ICAM5: variants seen among roughly 807,000 people sequenced by gnomAD.
The protein encoded by ICAM5 is ICAM-5.
A neutral mutation model predicts 78.8 loss-of-function variants in ICAM5; 38 were observed. That is an observed-to-expected ratio of 0.48 (90% CI 0.37 to 0.63). ICAM5 has a LOEUF of 0.63. Ranked by LOEUF, ICAM5 falls within the 30% of genes least tolerant of loss-of-function variation. The pLI is 0.00. For synonymous variants in ICAM5, 544 were observed against 590.9 expected (o/e 0.92, Z 1.15); for missense variants, 1,059 against 1,303.0 (o/e 0.81, Z 2.88).
intron 3 of ICAM5, 60 bp downstream of exon 3, chr19:10,291,869 T>C (rs2040176061): frequency 1.3e-6 from 2 of 1,545,542 alleles, no homozygotes; most frequent in Non-Finnish European, 1.8e-6. Context: ...TTAGGAGGTT[T>C]AGAGGTAGAT....
chr19:10,296,576 C>T lies in ICAM5; in HGVS notation c.2735C>T (p.Ala912Val). The T allele has an allele frequency of 1.6e-6, 2 of 1,217,406 alleles. No homozygotes were observed. The highest frequency in any genetic ancestry group is 1.0e-6 in the Non-Finnish European group (1 of 972,084). The allele number at this position is 1,217,406 out of a possible 1,614,324, so 75.4% of individuals were successfully genotyped here. ...GCGGGGGGCGCGGCCGAGTCGCCGG[C>T]GGAGGGCGAGGTCTTCGCCATACAG... ...EAAGGAAESP[A>V]EGEVFAIQLT... Residue 912 changes from alanine to valine, a missense_variant, in exon 11 of 11, where the codon GCG (alanine) becomes GTG (valine). Physicochemically the swap from Ala to Val is moderately conservative, Grantham distance 64 (BLOSUM62 0). Transcript: ENST00000221980.
intron 4 of ICAM5, 52 bp downstream of exon 4, chr19:10,292,374 C>A (rs1455750548): frequency 1.3e-6 from 2 of 1,521,012 alleles, no homozygotes; most frequent in Admixed American, 2.0e-5. Flanking sequence ...CAGAGGAATG[C>A]GAAGGCGGGG....
rs2040164038 is a variant in ICAM5 at position 10,290,715 on chromosome 19, A to G, written c.83-357A>G. On this transcript the variant is annotated intron_variant, in intron 1 of 10. Transcript: ENST00000221980. This position sits in a 1 kb window ranked among gnomAD's most constrained non-coding sequence, Gnocchi z 5.7. ...CCCGGCATTCTGCCAGGACCCTGAGAACTGGTTCATCCCCCATCCCCCATC... is the reference window on the plus strand; with the variant it reads ...CCCGGCATTCTGCCAGGACCCTGAGGACTGGTTCATCCCCCATCCCCCATC... The G allele has an allele frequency of 5.5e-6, 2 of 363,190 alleles. No individual in the cohort carries two copies. The highest frequency in any genetic ancestry group is 9.5e-5 in the East Asian group (2 of 20,990). 22.5% of individuals were successfully genotyped at this position (363,190 alleles called of 1,614,324 possible). A position where few individuals can be genotyped will look rare whatever the true frequency, so the allele number is the denominator to read the frequency against.
chr19:10,296,300 G>A, intron 10 of ICAM5, 39 bp from the exon 11 acceptor site: 1 of 1,228,030 alleles, frequency 8.1e-7, no homozygotes, highest in East Asian at 3.2e-5. Context: ...GAAGCCCCCC[G>A]GAGCTTGGCC....
At position 10,294,194 on chromosome 19, in the gene ICAM5, G is replaced by A; in HGVS notation, c.1866G>A (p.Leu622=). ...GGATEGVLLP[L]APPDPSPRAP... The stretch of plus-strand genomic sequence containing the variant: ...CCACTGAGGGGGTGCTGCTGCCGCT[G>A]GCACCCCCAGACCCTAGTCCCAGAG... The change falls in exon 8 of 11, where the codon CTG becomes CTA. Residue 622 remains leucine (L), a synonymous_variant. Coordinates refer to ENST00000221980, the MANE Select transcript of ICAM5 (RefSeq NM_003259.4). The surrounding 1 kb of genome is among the most constrained non-coding windows in gnomAD (Gnocchi z 7.7). 1 of 1,613,950 alleles carries A rather than the reference G, an allele frequency of 6.2e-7. No individual in the cohort carries two copies. Among genetic ancestry groups the A allele is most frequent in the South Asian group, 1.1e-5 (1 of 91,082 alleles).
chr19:10,292,707 A>T lies in ICAM5; in HGVS notation c.1057A>T (p.Thr353Ser), dbSNP rs1317567797. 3.7e-6 allele frequency: 6 copies of T among 1,612,788 alleles called. No homozygotes were observed. The highest frequency in any genetic ancestry group is 1.7e-6 in the Non-Finnish European group (2 of 1,179,824). ...TCAAGAQALVTLEGVPAAVPG... is the reference protein window; with the variant it reads ...TCAAGAQALVSLEGVPAAVPG... Reference sequence around the variant, plus strand: ...CGCAGCTGGGGCCCAAGCTCTGGTCACACTGGAGGGAGTTCCAGCCGCGGT... The same window carrying T: ...CGCAGCTGGGGCCCAAGCTCTGGTCTCACTGGAGGGAGTTCCAGCCGCGGT... Residue 353 changes from threonine to serine, a missense_variant, in exon 5 of 11, where the codon ACA (threonine) becomes TCA (serine). Thr to Ser is a moderately conservative substitution (Grantham distance 58, BLOSUM62 1). Transcript: ENST00000221980.
rs1327873911 is a variant in ICAM5, at chr19:10,292,853, G to A, written c.1203G>A (p.Glu401=). The A allele has an allele frequency of 1.2e-6, 2 of 1,612,422 alleles. No homozygotes were observed. Among genetic ancestry groups the A allele is most frequent in the Non-Finnish European group, 8.5e-7 (1 of 1,179,598 alleles). ...GETLIKNRSA[E]LRVLYAPRLD... ...CCCTGATCAAGAACAGGAGCGCAGAGCTTCGTGTCCTATGTGAGTTGGTGA... is the reference window on the plus strand; with the variant it reads ...CCCTGATCAAGAACAGGAGCGCAGAACTTCGTGTCCTATGTGAGTTGGTGA... The change falls in exon 5 of 11, where the codon GAG becomes GAA. Residue 401 remains glutamate, a synonymous_variant. Coordinates refer to ENST00000221980, the MANE Select transcript of ICAM5 (RefSeq NM_003259.4).
In ICAM5 at chr19:10,293,636, G is replaced by A; in HGVS notation, c.1466-62G>A. 1.9e-6 allele frequency: 3 copies of A among 1,568,394 alleles called. No homozygotes were observed. Among genetic ancestry groups the A allele is most frequent in the East Asian group, 4.5e-5 (2 of 44,260 alleles). Reference sequence around the variant, plus strand: ...CGTGGAAGCCTTGCCGCGCCAAGGAGGGTCTAGGGACGTCAGATTTGCCCC... The same window carrying A: ...CGTGGAAGCCTTGCCGCGCCAAGGAAGGTCTAGGGACGTCAGATTTGCCCC... On this transcript the variant is annotated intron_variant, in intron 6 of 10. Coordinates refer to ENST00000221980, the MANE Select transcript of ICAM5 (RefSeq NM_003259.4). This position sits in a 1 kb window ranked among gnomAD's most constrained non-coding sequence, Gnocchi z 5.0.
chr19:10,292,210 G>A lies in ICAM5; in HGVS notation c.849G>A (p.Val283=). 6.2e-7 allele frequency: 1 copy of A among 1,613,186 alleles called. No individual in the cohort carries two copies. Among genetic ancestry groups the A allele is most frequent in the Non-Finnish European group, 8.5e-7 (1 of 1,179,996 alleles). Residue 283 remains valine (V), a synonymous_variant, in exon 4 of 11, where the codon GTG becomes GTA. Transcript: ENST00000221980. ...TCACCCTCGAAGGGGACGCATTCGTGGCCACTGCCACAGCCACAGCTAGCG... is the reference window on the plus strand; with the variant it reads ...TCACCCTCGAAGGGGACGCATTCGTAGCCACTGCCACAGCCACAGCTAGCG... ...PDVTLEGDAF[V]ATATATASAE...
In ICAM5 at chr19:10,293,794, C is replaced by T. The variant is rs368250065; in HGVS notation, c.1562C>T (p.Pro521Leu). ...AGCTGTGTGGCGCACGGGGTACCGC[C>T]GCCTGATGTGATCTGCGTGCGCTCT... ...SLSCVAHGVP[P>L]PDVICVRSGE... The change falls in exon 7 of 11, where the codon CCG (proline) becomes CTG (leucine). Residue 521 changes from proline (P) to leucine (L), a missense_variant. Transcript: ENST00000221980. This position sits in a 1 kb window ranked among gnomAD's most constrained non-coding sequence, Gnocchi z 5.0. 130 of 1,613,690 alleles carry T rather than the reference C, an allele frequency of 8.1e-5. 1 individual carries two copies. Among genetic ancestry groups the T allele is most frequent in the Non-Finnish European group, 1.1e-4 (128 of 1,180,030 alleles).
rs760572744 is a variant in ICAM5, at chr19:10,291,096, C to A, written c.107C>A (p.Ala36Glu). 1.9e-6 allele frequency: 3 copies of A among 1,611,196 alleles called. No individual in the cohort carries two copies. The highest frequency in any genetic ancestry group is 2.5e-6 in the Non-Finnish European group (3 of 1,179,246). Residue 36 changes from alanine to glutamate, a missense_variant, in exon 2 of 11, where the codon GCG (alanine) becomes GAG (glutamate). Coordinates refer to ENST00000221980, the MANE Select transcript of ICAM5 (RefSeq NM_003259.4). ...LSAVSQEPFW[A>E]DLQPRVAFVE... ...GCGGTCTCGCAGGAGCCCTTCTGGG[C>A]GGACCTGCAGCCTCGCGTGGCGTTC...
intron 10 of ICAM5, 23 bp from the exon 11 acceptor site, chr19:10,296,316 C>G (rs773271448): frequency 8.1e-7 from 1 of 1,229,304 alleles, no homozygotes; most frequent in Non-Finnish European, 1.0e-6. Context: ...TGGCCACCCT[C>G]CGCGAGGGTC....
chr19:10,294,647 G>C lies in ICAM5; in HGVS notation c.2230+7G>C. ...GTCACTGTGGGCGTGGAATGTGAGT[G>C]GGGGCAGCACCGGATGGAGGGGACA... On this transcript the variant is annotated splice_region_variant and intron_variant, in intron 9 of 10. Transcript: ENST00000221980. This position sits in a 1 kb window ranked among gnomAD's most constrained non-coding sequence, Gnocchi z 7.7. 1 of 1,612,640 alleles carries C rather than the reference G, an allele frequency of 6.2e-7. No homozygotes were observed. Among genetic ancestry groups the C allele is most frequent in the Non-Finnish European group, 8.5e-7 (1 of 1,179,814 alleles).
At position 10,292,689 on chromosome 19, in the gene ICAM5, G is replaced by A. The variant is rs2040184292; in HGVS notation, c.1039G>A (p.Gly347Arg). The change falls in exon 5 of 11, where the codon GGG becomes AGG. Residue 347 changes from glycine to arginine, a missense_variant. Coordinates refer to ENST00000221980, the MANE Select transcript of ICAM5 (RefSeq NM_003259.4). ...GATGGTGACAGTAACCTGCGCAGCT[G>A]GGGCCCAAGCTCTGGTCACACTGGA... The part of the protein sequence containing the change: ...GQMVTVTCAA[G>R]AQALVTLEGV... 6.2e-7 allele frequency: 1 copy of A among 1,611,642 alleles called. No homozygotes were observed. The highest frequency in any genetic ancestry group is 8.5e-7 in the Non-Finnish European group (1 of 1,179,216).
In ICAM5 at chr19:10,293,270, A is replaced by T; in HGVS notation, c.1465+24A>T. 1 of 1,553,316 alleles carries T rather than the reference A, an allele frequency of 6.4e-7. No homozygotes were observed. On this transcript the variant is annotated intron_variant, in intron 6 of 10. Transcript: ENST00000221980. The surrounding 1 kb of genome is among the most constrained non-coding windows in gnomAD (Gnocchi z 5.0). ...GTGTGAGTGGGGGTGCGCAGGGTGC[A>T]TTTCTATCTGGTTCAAGGTCTGGAG...
At position 10,291,824 on chromosome 19, in the gene ICAM5, G is replaced by A. The variant is rs1380568047; in HGVS notation, c.673+15G>A. On this transcript the variant is annotated intron_variant, in intron 3 of 10. Coordinates refer to ENST00000221980, the MANE Select transcript of ICAM5 (RefSeq NM_003259.4). ...CCGAACCTTCTGTGAGTGGGTGTGG[G>A]GAGGAGATGGGGACCCAGTGGGGTC... 8 of 1,602,708 alleles carry A rather than the reference G, an allele frequency of 5.0e-6. No individual in the cohort carries two copies. Among genetic ancestry groups the A allele is most frequent in the Admixed American group, 1.7e-5 (1 of 57,430 alleles).
At position 10,293,765 on chromosome 19, in the gene ICAM5, G is replaced by A. The variant is rs746546706; in HGVS notation, c.1533G>A (p.Ser511=). The change falls in exon 7 of 11, where the codon TCG becomes TCA. Residue 511 remains serine, a synonymous_variant. Coordinates refer to ENST00000221980, the MANE Select transcript of ICAM5 (RefSeq NM_003259.4). This position sits in a 1 kb window ranked among gnomAD's most constrained non-coding sequence, Gnocchi z 5.0. ...RITWLEGTEA[S]LSCVAHGVPP... ...CTTGGCTGGAGGGAACAGAAGCCTC[G>A]CTGAGCTGTGTGGCGCACGGGGTAC... 12 of 1,613,816 alleles carry A rather than the reference G, an allele frequency of 7.4e-6. No homozygotes were observed. The highest frequency in any genetic ancestry group is 8.5e-6 in the Non-Finnish European group (10 of 1,180,038).
chr19:10,292,330 A>T lies in ICAM5; in HGVS notation c.961+8A>T. The T allele has an allele frequency of 6.3e-7, 1 of 1,583,100 alleles. No homozygotes were observed. The highest frequency in any genetic ancestry group is 8.6e-7 in the Non-Finnish European group (1 of 1,166,610). ...AGAACGTGACCATCTACAGTAAGGAAGGAGGCGGGGTCTCCGCGGCTCCGA... is the reference window on the plus strand; with the variant it reads ...AGAACGTGACCATCTACAGTAAGGATGGAGGCGGGGTCTCCGCGGCTCCGA... On this transcript the variant is annotated splice_region_variant and intron_variant, in intron 4 of 10. Coordinates refer to ENST00000221980, the MANE Select transcript of ICAM5 (RefSeq NM_003259.4).
rs2040184979 is a variant in ICAM5 at position 10,292,734 on chromosome 19, C to T, written c.1084C>T (p.Pro362Ser). 2.5e-6 allele frequency: 4 copies of T among 1,613,460 alleles called. No individual in the cohort carries two copies. The highest frequency in any genetic ancestry group is 2.5e-6 in the Non-Finnish European group (3 of 1,179,976). ...VTLEGVPAAV[P>S]GQPAQLQLNA... Reference sequence around the variant, plus strand: ...ACTGGAGGGAGTTCCAGCCGCGGTCCCGGGGCAGCCCGCCCAGCTTCAGCT... The same window carrying T: ...ACTGGAGGGAGTTCCAGCCGCGGTCTCGGGGCAGCCCGCCCAGCTTCAGCT... Residue 362 changes from proline (P) to serine (S), a missense_variant, in exon 5 of 11, where the codon CCG (proline) becomes TCG (serine). Coordinates refer to ENST00000221980, the MANE Select transcript of ICAM5 (RefSeq NM_003259.4).
Sources: allele counts gnomAD v4.1 joint callset, GRCh38; gene constraint gnomAD v4.1.1; non-coding constraint Gnocchi (gnomAD v3.1); transcripts MANE v1.5; gene names NCBI Gene and HGNC (gene_info 2026-07-23, HGNC 2026-07-21).